Variants in ARHGAP44 observed in about 807,000 individuals in gnomAD.
ARHGAP44 encodes Rho GTPase activating protein 44.
Under a neutral mutation model 106.8 loss-of-function variants are expected in ARHGAP44, and 43 were observed. The ratio of observed to expected loss-of-function variants is 0.40; its 90% CI spans 0.32 to 0.52. The LOEUF (loss-of-function observed/expected upper bound fraction) is 0.52. Ranked by LOEUF, ARHGAP44 falls within the 20% of genes least tolerant of loss-of-function variation. The pLI is 0.48. For synonymous variants in ARHGAP44, 439 were observed against 410.3 expected, an observed-to-expected ratio of 1.07 and a Z score of -0.85; for missense variants, 866 against 1,050.5, an observed-to-expected ratio of 0.82 and a Z score of 2.43.
chr17:12,833,148 A>G lies in ARHGAP44; in HGVS notation c.53+43257A>G, dbSNP rs747465258. 1.3e-4 allele frequency among the ~76,000 whole-genome samples: 20 copies of G among 152,178 alleles called. 1 individual carries two copies. The highest frequency in any genetic ancestry group is 2.8e-4 in the Non-Finnish European group (19 of 68,026). ...TCGTTCTGTTTCTCTGTTTTGTCGG[A>G]GAGGGCAGTGCCACTGGATAGGAGT... On this transcript the variant is annotated intron_variant, in intron 1 of 20. Coordinates refer to ENST00000379672, the MANE Select transcript of ARHGAP44 (RefSeq NM_014859.6).
Position 12,944,065 on chromosome 17 carries a change from T to G in ARHGAP44, c.734-4T>G, listed in dbSNP as rs1367763515. On this transcript the variant is annotated splice_region_variant and splice_polypyrimidine_tract_variant and intron_variant, in intron 9 of 20. Transcript: ENST00000379672. ...GACTGACTCTTTCTCACTCCTCCCC[T>G]CAGAGGCCTGGGTAGAGAAGCCTTC... 7 of 1,605,504 alleles carry G rather than the reference T, an allele frequency of 4.4e-6. No homozygotes were observed. The East Asian group carries it at 1.6e-4, about 36-fold the overall frequency.
intron 1 of ARHGAP44, among the ~76,000 whole-genome samples, chr17:12,881,848 C>T (rs1431190156): frequency 1.3e-5 from 2 of 151,996 alleles, no homozygotes; most frequent in South Asian, 2.1e-4. Flanking sequence ...CATGCATCTT[C>T]GCACCCAGCT....
At chr17:12,851,094 C>T (rs997936846) in intron 1 of ARHGAP44, among the ~76,000 whole-genome samples, 1 of 152,200 alleles carries the variant, frequency 6.6e-6, no homozygotes, top group Non-Finnish European at 1.5e-5. Context: ...CAAGCATCAG[C>T]AGAATGTGAC....
At chr17:12,863,508 T>C (rs1597961912) in intron 1 of ARHGAP44, among the ~76,000 whole-genome samples, 1 of 152,322 alleles carries the variant, frequency 6.6e-6, no homozygotes, top group South Asian at 2.1e-4. Context: ...AATAAAATTA[T>C]TGTGCCAATT....
chr17:12,848,322 G>T (rs891327069), intron 1 of ARHGAP44, among the ~76,000 whole-genome samples: 1 of 152,102 alleles, frequency 6.6e-6, no homozygotes, highest in Non-Finnish European at 1.5e-5. Context: ...TCTCTCCTGG[G>T]ATCTCCTTTA....
chr17:12,944,806 CCTT>C (rs2038808612), intron 10 of ARHGAP44, among the ~76,000 whole-genome samples: 2 of 150,988 alleles, frequency 1.3e-5, no homozygotes, highest in South Asian at 2.1e-4. Context: ...TATTACTACT[CCTT>C]CTCCTTTCTC....
chr17:12,961,642 G>A (rs537740716), intron 16 of ARHGAP44, among the ~76,000 whole-genome samples: 153 of 152,246 alleles, frequency 1.0e-3, no homozygotes, highest in Non-Finnish European at 1.8e-3. Context: ...GCTGAGGCAG[G>A]AAAATTGCTT....
intron 10 of ARHGAP44, among the ~76,000 whole-genome samples, chr17:12,948,750 A>ACC (rs869207037): frequency 2.0e-5 from 3 of 150,882 alleles, no homozygotes; most frequent in Non-Finnish European, 3.0e-5. Context: ...ACACACACAC[A>ACC]CCCCCTGTAG....
At chr17:12,986,328 GGAAGGTCACAGCTGCGGAGGAGCT>G (rs1215241869) in intron 20 of ARHGAP44, 1 of 152,168 alleles carries the variant, frequency 6.6e-6, no homozygotes, top group African/African-American at 2.4e-5. Flanking sequence ...CTGCCCTCGG[GGAAGGTCACAGCTGCGGAGGAGCT>G]GAAGGTCACC....
chr17:12,909,558 G>A (rs947808011), intron 4 of ARHGAP44, among the ~76,000 whole-genome samples: 5 of 150,320 alleles, frequency 3.3e-5, no homozygotes, highest in Non-Finnish European at 6.0e-5. Flanking sequence ...AATTTTCAAT[G>A]ATCTTTAGTC....
intron 6 of ARHGAP44, among the ~76,000 whole-genome samples, chr17:12,927,400 T>G (rs7218340): frequency 6.6e-6 from 1 of 152,064 alleles, no homozygotes; most frequent in Non-Finnish European, 1.5e-5. Context: ...AATAGTGGAG[T>G]AGAGAAAATA....
At chr17:12,843,973 A>G (rs1027456921) in intron 1 of ARHGAP44, among the ~76,000 whole-genome samples, 7 of 151,998 alleles carry the variant, frequency 4.6e-5, no homozygotes, top group African/African-American at 1.7e-4. Context: ...TTGTTTTAGT[A>G]GTAAGTCTTG....
chr17:12,984,908 G>A lies in ARHGAP44; in HGVS notation c.2317G>A (p.Asp773Asn), dbSNP rs1388868571. 1.9e-6 allele frequency: 3 copies of A among 1,595,614 alleles called. No homozygotes were observed. The highest frequency in any genetic ancestry group is 1.7e-6 in the Non-Finnish European group (2 of 1,168,218). The change falls in exon 20 of 21, where the codon GAT (aspartate) becomes AAT (asparagine). Residue 773 changes from aspartate (D) to asparagine (N), a missense_variant and splice_region_variant. By Grantham distance (23) the Asp-to-Asn change is conservative. Coordinates refer to ENST00000379672, the MANE Select transcript of ARHGAP44 (RefSeq NM_014859.6). ...GTCCCCTGGGGAAAGCATGTCTACAGGTAACCAAGCCACAGGCTCCCTCAC... is the reference window on the plus strand; with the variant it reads ...GTCCCCTGGGGAAAGCATGTCTACAAGTAACCAAGCCACAGGCTCCCTCAC... ...GMSPGESMST[D>N]LVHFDIPSIH...
intron 1 of ARHGAP44, among the ~76,000 whole-genome samples, chr17:12,845,098 G>A (rs1387891769): frequency 6.6e-6 from 1 of 152,114 alleles, no homozygotes; most frequent in Admixed American, 6.6e-5. Flanking sequence ...AAACCTTCCT[G>A]AACACCCTCC....
At chr17:12,881,321 A>G (rs373081146) in intron 1 of ARHGAP44, among the ~76,000 whole-genome samples, 42 of 151,914 alleles carry the variant, frequency 2.8e-4, no homozygotes, top group African/African-American at 9.2e-4. Context: ...TCTTTAATTC[A>G]TTGGTATTTG....
rs149457432 is a variant in ARHGAP44 at position 12,974,711 on chromosome 17, AT to A, written c.1763+407del. 7.4e-3 allele frequency among the ~76,000 whole-genome samples: 1,125 copies of A among 152,264 alleles called. 9 individuals carry two copies. The highest frequency in any genetic ancestry group is 0.025 in the African/African-American group (1,053 of 41,552). ...AGTCCCAAGCCCTATATATACTGTT[AT>A]TTTTTCTTATACACACATACCTGTG... On this transcript the variant is annotated intron_variant, in intron 18 of 20. Transcript: ENST00000379672.
At position 12,789,776 on chromosome 17, in the gene ARHGAP44, C is replaced by G; in HGVS notation, c.-63C>G. The G allele has an allele frequency of 1.4e-6, 2 of 1,409,714 alleles. No individual in the cohort carries two copies. 87.3% of individuals were successfully genotyped at this position (1,409,714 alleles called of 1,614,324 possible). ...TCCGCGCGGGAGCCATGTAACCCTG[C>G]GGCGGGCTCCGGGCTGCTCCGTCCT... On this transcript the variant is annotated 5_prime_UTR_variant, in exon 1 of 21. Coordinates refer to ENST00000379672, the MANE Select transcript of ARHGAP44 (RefSeq NM_014859.6).
At chr17:12,844,252 G>T (rs1000545920) in intron 1 of ARHGAP44, among the ~76,000 whole-genome samples, 1 of 152,104 alleles carries the variant, frequency 6.6e-6, no homozygotes, top group Non-Finnish European at 1.5e-5. Context: ...TATTTGGCTC[G>T]TGTTTCTGGA....
chr17:12,931,841 TACACACACACACACAC>T (rs10522083), intron 7 of ARHGAP44, among the ~76,000 whole-genome samples: 4 of 146,304 alleles, frequency 2.7e-5, no homozygotes, highest in Non-Finnish European at 3.0e-5. Context: ...ACAGTAGGGA[TACACACACACACACAC>T]ACACACACAC....
Sources: gnomAD v4.1 joint callset for allele counts (sites outside exome capture counted in the v4.1 genomes callset) on GRCh38, gnomAD v4.1.1 for gene constraint, MANE v1.5 for transcripts, NCBI Gene and HGNC (gene_info 2026-07-23, HGNC 2026-07-21) for gene names.